Variants in THOC2 observed in about 807,000 individuals in gnomAD.
THOC2 encodes the protein THO complex 2.
THOC2 carries 10 observed loss-of-function variants against 128.4 expected under a neutral mutation model. The ratio of observed to expected loss-of-function variants is 0.08; its 90% CI spans 0.05 to 0.13. The LOEUF (loss-of-function observed/expected upper bound fraction) is 0.13, where lower values mean the gene tolerates loss of function less well. THOC2 is among the 10% of genes least tolerant of loss of function. The probability of loss-of-function intolerance (pLI) is 1.00; values close to 1 mark genes in which losing one functional copy is unlikely to be tolerated. For synonymous variants in THOC2, 393 were observed against 396.9 expected (o/e 0.99, Z 0.12); for missense variants, 535 against 1,155.7 (o/e 0.46, Z 7.79).
chrX:123,698,745 C>T (rs1195199147), intron 4 of THOC2, among the ~76,000 whole-genome samples: 1 of 107,858 alleles, frequency 9.3e-6, no homozygotes, highest in Admixed American at 1.0e-4. Context: ...CTCAGTGGCA[C>T]ACATCTGTAA....
intron 7 of THOC2, among the ~76,000 whole-genome samples, chrX:123,691,626 C>A (rs1216856834): frequency 9.0e-6 from 1 of 111,659 alleles, no homozygotes; most frequent in Non-Finnish European, 1.9e-5. Context: ...AAATCTATAC[C>A]CTTTGACACC....
At chrX:123,651,206 T>C (rs1330631582) in intron 12 of THOC2, among the ~76,000 whole-genome samples, 1 of 111,756 alleles carries the variant, frequency 8.9e-6, no homozygotes, top group East Asian at 2.8e-4. Flanking sequence ...GACTACTGGG[T>C]AAACAATGCA....
At chrX:123,728,701 A>G (rs903145437) in intron 1 of THOC2, among the ~76,000 whole-genome samples, 4 of 111,969 alleles carry the variant, frequency 3.6e-5, no homozygotes, top group Non-Finnish European at 7.5e-5. Context: ...GTCTAAAATC[A>G]TGTAGTAGCA....
chrX:123,629,599 T>C (rs750874223), intron 22 of THOC2, among the ~76,000 whole-genome samples: 1 of 111,323 alleles, frequency 9.0e-6, no homozygotes, highest in African/African-American at 3.3e-5. Flanking sequence ...AGTGGGAAGA[T>C]TTATGCTCTG....
chrX:123,721,074 A>G (rs2051673797), intron 1 of THOC2, among the ~76,000 whole-genome samples: 1 of 111,421 alleles, frequency 9.0e-6, no homozygotes, highest in Non-Finnish European at 1.9e-5. Flanking sequence ...GTTTTTTTTT[A>G]CCACAGTAAA....
At chrX:123,637,437 A>T (rs953983875) in intron 18 of THOC2, among the ~76,000 whole-genome samples, 2 of 111,600 alleles carry the variant, frequency 1.8e-5, no homozygotes, top group Non-Finnish European at 3.8e-5. Context: ...ATCCCTTACG[A>T]TCAACTCCTA....
At chrX:123,635,419 C>A (rs925672539) in intron 19 of THOC2, among the ~76,000 whole-genome samples, 6 of 111,341 alleles carry the variant, frequency 5.4e-5, no homozygotes, top group Admixed American at 3.8e-4. Flanking sequence ...TTTGGAACAC[C>A]AAGTAGCTTT....
At chrX:123,680,124 G>A (rs184760876) in intron 8 of THOC2, among the ~76,000 whole-genome samples, 2 of 110,520 alleles carry the variant, frequency 1.8e-5, no homozygotes, top group African/African-American at 6.6e-5. Context: ...AGGAAGGAAC[G>A]CCTCGTTGCA....
At chrX:123,687,653 T>C (rs954791039) in intron 7 of THOC2, among the ~76,000 whole-genome samples, 1 of 112,094 alleles carries the variant, frequency 8.9e-6, no homozygotes, top group East Asian at 2.8e-4. Flanking sequence ...CAGTTACTTA[T>C]ATTAACGCCA....
intron 12 of THOC2, among the ~76,000 whole-genome samples, chrX:123,651,097 TAACA>T (rs1417557952): frequency 1.8e-5 from 2 of 111,650 alleles, no homozygotes; most frequent in Admixed American, 9.5e-5. Flanking sequence ...ATGGAAATCA[TAACA>T]AACAGTCTCT....
At chrX:123,719,058 G>T (rs1264717605) in intron 1 of THOC2, among the ~76,000 whole-genome samples, 1 of 106,215 alleles carries the variant, frequency 9.4e-6, no homozygotes, top group African/African-American at 3.4e-5. Flanking sequence ...GGCGCCTGTA[G>T]TCCCAGCTAC....
chrX:123,686,122 TC>T (rs2049992982), intron 8 of THOC2, among the ~76,000 whole-genome samples: 1 of 112,071 alleles, frequency 8.9e-6, no homozygotes, highest in South Asian at 3.7e-4. Context: ...TCATTTCCTG[TC>T]CCTTCTTTTC....
chrX:123,728,487 T>C (rs973592981), intron 1 of THOC2, among the ~76,000 whole-genome samples: 2 of 111,698 alleles, frequency 1.8e-5, no homozygotes, highest in Non-Finnish European at 3.8e-5. Flanking sequence ...GGAAATTAAA[T>C]GCTAAATGAA....
intron 4 of THOC2, among the ~76,000 whole-genome samples, chrX:123,698,844 C>T (rs1434514715): frequency 9.3e-6 from 1 of 107,558 alleles, no homozygotes; most frequent in Non-Finnish European, 1.9e-5. Flanking sequence ...CACTGCACTC[C>T]AGCCTGGGTG....
intron 1 of THOC2, among the ~76,000 whole-genome samples, chrX:123,722,552 AC>A (rs1054270232): frequency 1.0e-4 from 11 of 109,180 alleles, no homozygotes; most frequent in African/African-American, 3.3e-4. Flanking sequence ...GGAACATCAC[AC>A]ACTGGTGCCT....
chrX:123,650,385 A>T (rs750018895), intron 12 of THOC2, among the ~76,000 whole-genome samples: 68 of 112,287 alleles, frequency 6.1e-4, no homozygotes, highest in Non-Finnish European at 1.1e-3. Flanking sequence ...GACACTATGA[A>T]GAAACTGCAT....
chrX:123,675,579 G>A (rs1035550636), intron 8 of THOC2, among the ~76,000 whole-genome samples: 11 of 109,130 alleles, frequency 1.0e-4, no homozygotes, highest in African/African-American at 3.7e-4. Flanking sequence ...GGAGACAGAG[G>A]TTGCAGTGAG....
intron 12 of THOC2, among the ~76,000 whole-genome samples, chrX:123,656,499 A>T (rs2048594564): frequency 9.0e-6 from 1 of 110,945 alleles, no homozygotes; most frequent in Admixed American, 9.6e-5. Context: ...ACTCGAGGCA[A>T]GGAGTTTTAG....
At chrX:123,683,352 G>A (rs1027301151) in intron 8 of THOC2, among the ~76,000 whole-genome samples, 2 of 110,833 alleles carry the variant, frequency 1.8e-5, no homozygotes, top group African/African-American at 6.6e-5. Flanking sequence ...TATGAGTTGG[G>A]GAAAAGGATT....
Sources: gnomAD v4.1 joint callset for allele counts (sites outside exome capture counted in the v4.1 genomes callset) on GRCh38, gnomAD v4.1.1 for gene constraint, MANE v1.5 for transcripts, NCBI Gene and HGNC (gene_info 2026-07-23, HGNC 2026-07-21) for gene names.